Variants in HDAC9 observed in about 807,000 individuals in gnomAD.
HDAC9 encodes the protein MEF-2 interacting transcription repressor (MITR) protein.
In HDAC9, 41 loss-of-function variants were observed where a neutral mutation model predicts 139.4. The ratio of observed to expected loss-of-function variants is 0.29; its 90% CI spans 0.23 to 0.38. The LOEUF is 0.38. Ranked by LOEUF, HDAC9 falls within the 10% of genes least tolerant of loss-of-function variation. The pLI is 1.00. For synonymous variants in HDAC9, 517 were observed against 476.2 expected, an observed-to-expected ratio of 1.09 and a Z score of -1.12; for missense variants, 1,147 against 1,297.0, an observed-to-expected ratio of 0.88 and a Z score of 1.78.
chr7:18,348,267 A>G (rs1782578279), intron 1 of HDAC9, among the ~76,000 whole-genome samples: 1 of 152,200 alleles, frequency 6.6e-6, no homozygotes, highest in Non-Finnish European at 1.5e-5. Context: ...TAAGATATGG[A>G]GTATAGATTC....
rs147756036 is a variant in HDAC9 at position 18,207,644 on chromosome 7, G to A, written c.25+45295G>A. On this transcript the variant is annotated intron_variant, in intron 2 of 12. Transcript: ENST00000417496. ...ATGCCATGTCTTTTGCCACACACGT[G>A]TGCATGCATACACACACACACACTT... Among the ~76,000 whole-genome samples the A allele has an allele frequency of 9.2e-4, 136 of 147,380 alleles. 1 individual carries two copies. In the East Asian group the frequency reaches 0.024, roughly 26 times the overall value.
chr7:18,101,176 T>C (rs573866364), intron 1 of HDAC9, among the ~76,000 whole-genome samples: 2 of 152,294 alleles, frequency 1.3e-5, no homozygotes, highest in African/African-American at 4.8e-5. Context: ...ATATTTAGCT[T>C]TCCCCCCTCC....
chr7:18,666,718 T>TA, intron 12 of HDAC9: 1 of 1,291,492 alleles, frequency 7.7e-7, no homozygotes, highest in African/African-American at 1.5e-5. Flanking sequence ...GGTAAGGAAA[T>TA]ACCTGTTATA....
intron 1 of HDAC9, among the ~76,000 whole-genome samples, chr7:18,393,882 G>A (rs1786776502): frequency 6.6e-6 from 1 of 152,196 alleles, no homozygotes; most frequent in Non-Finnish European, 1.5e-5. Context: ...AATGGGCCTT[G>A]TGGCAAGTGA....
chr7:18,995,993 C>T (rs369254817), intron 25 of HDAC9, 30 bp from the exon 26 acceptor site: 91 of 1,562,422 alleles, frequency 5.8e-5, no homozygotes, highest in Middle Eastern at 3.8e-4. Flanking sequence ...ACTCTTATGC[C>T]GTATTCTGAT....
chr7:18,116,199 T>A (rs1454527133), intron 1 of HDAC9, among the ~76,000 whole-genome samples: 3 of 152,220 alleles, frequency 2.0e-5, no homozygotes, highest in Non-Finnish European at 4.4e-5. Flanking sequence ...TAATTTAGAT[T>A]AGTTCATTTT....
intron 22 of HDAC9, among the ~76,000 whole-genome samples, chr7:18,886,857 C>T (rs180960959): frequency 6.6e-6 from 1 of 152,148 alleles, no homozygotes; most frequent in Admixed American, 6.5e-5. Context: ...ATGGTTCTTC[C>T]TTGGCCTGAC....
chr7:18,315,362 C>T (rs897947410), intron 1 of HDAC9, among the ~76,000 whole-genome samples: 1 of 152,116 alleles, frequency 6.6e-6, no homozygotes, highest in Non-Finnish European at 1.5e-5. Context: ...GGAACTGAGG[C>T]ACAGCGTGGC....
chr7:18,258,119 T>C (rs1197868142), intron 2 of HDAC9, among the ~76,000 whole-genome samples: 1 of 152,232 alleles, frequency 6.6e-6, no homozygotes, highest in Non-Finnish European at 1.5e-5. Context: ...ATAAACATTA[T>C]GGAGCAGTAA....
In HDAC9 at chr7:18,792,267, T is replaced by TA. The variant is rs79869842; in HGVS notation, c.2215-1062dup. Among the ~76,000 whole-genome samples, 924 of 141,334 alleles carry TA rather than the reference T, an allele frequency of 6.5e-3. 7 individuals are homozygous for TA. Among genetic ancestry groups the TA allele is most frequent in the Non-Finnish European group, 7.9e-3 (523 of 65,988 alleles). 92.7% of individuals were successfully genotyped at this position (141,334 alleles called of 152,430 possible). ...CTTGCATTTAATTCTCTTTTTTTTTTAAAAAAAAAAAAAAAAGCTTTGTTT... is the reference window on the plus strand; with the variant it reads ...CTTGCATTTAATTCTCTTTTTTTTTTAAAAAAAAAAAAAAAAAGCTTTGTTT... On this transcript the variant is annotated intron_variant, in intron 16 of 25. Transcript: ENST00000686413.
chr7:18,551,529 C>T (rs1817130634), intron 2 of HDAC9, among the ~76,000 whole-genome samples: 1 of 152,122 alleles, frequency 6.6e-6, no homozygotes. Context: ...GATAGAAACC[C>T]TGACAATGTG....
chr7:18,385,475 G>A (rs1166154758), intron 1 of HDAC9, among the ~76,000 whole-genome samples: 2 of 152,146 alleles, frequency 1.3e-5, no homozygotes, highest in Non-Finnish European at 2.9e-5. Context: ...GTGTATTTTG[G>A]AAAGATACAT....
intron 24 of HDAC9, among the ~76,000 whole-genome samples, chr7:18,955,315 C>A (rs982958295): frequency 6.6e-6 from 1 of 151,934 alleles, no homozygotes; most frequent in Non-Finnish European, 1.5e-5. Flanking sequence ...TCCATTGGGG[C>A]TAGATAAAGA....
At chr7:18,616,905 G>C (rs1838758234) in intron 6 of HDAC9, among the ~76,000 whole-genome samples, 1 of 152,126 alleles carries the variant, frequency 6.6e-6, no homozygotes, top group Non-Finnish European at 1.5e-5. Context: ...AAATTATATT[G>C]TGAGAGATAA....
chr7:18,640,406 T>A (rs1785225859), intron 8 of HDAC9, among the ~76,000 whole-genome samples: 1 of 147,580 alleles, frequency 6.8e-6, no homozygotes, highest in Non-Finnish European at 1.5e-5. Flanking sequence ...GGTAATTATT[T>A]ACATAACTAG....
intron 2 of HDAC9, among the ~76,000 whole-genome samples, chr7:18,266,379 T>G (rs1387522106): frequency 6.6e-6 from 1 of 152,008 alleles, no homozygotes; most frequent in Non-Finnish European, 1.5e-5. Flanking sequence ...TACTCAGGTC[T>G]GAATAATCAG....
intron 1 of HDAC9, among the ~76,000 whole-genome samples, chr7:18,324,971 C>G (rs1359216216): frequency 3.9e-5 from 6 of 152,068 alleles, no homozygotes. Context: ...TTATAATAAG[C>G]CCCCTTCCCT....
At chr7:18,684,848 C>T (rs781293808) in intron 12 of HDAC9, among the ~76,000 whole-genome samples, 9 of 151,930 alleles carry the variant, frequency 5.9e-5, no homozygotes, top group Non-Finnish European at 1.0e-4. Flanking sequence ...ATGGAAAACT[C>T]CCCTCCACCT....
intron 1 of HDAC9, among the ~76,000 whole-genome samples, chr7:18,112,924 G>A (rs1783722823): frequency 6.6e-6 from 1 of 152,140 alleles, no homozygotes; most frequent in Non-Finnish European, 1.5e-5. Context: ...GCGTTTGTTT[G>A]TTTGTGTTTT....
Sources: allele counts gnomAD v4.1 joint callset (sites outside exome capture counted in the v4.1 genomes callset), GRCh38; gene constraint gnomAD v4.1.1; transcripts MANE v1.5; gene names NCBI Gene and HGNC (gene_info 2026-07-23, HGNC 2026-07-21).